The following CUX1 variants were observed in gnomAD, a reference collection of about 807,000 sequenced individuals.
CUX1 encodes the protein cut like homeobox 1, also known as protein CASP.
A neutral mutation model predicts 158.8 loss-of-function variants in CUX1; 31 were observed. The observed-to-expected ratio is 0.20, with a 90% CI of 0.15 to 0.26. The LOEUF is 0.26. CUX1 is among the 10% of genes least tolerant of loss of function. The pLI, the probability that CUX1 is intolerant of heterozygous loss-of-function variation, is 1.00. For missense variants in CUX1, 1,589 were observed against 2,014.6 expected (o/e 0.79, Z 4.04); for synonymous variants, 879 against 862.1 (o/e 1.02, Z -0.34).
Position 101,916,313 on chromosome 7 carries a change from C to A in CUX1, c.141+88C>A. 1.2e-6 allele frequency: 1 copy of A among 862,618 alleles called. No individual in the cohort carries two copies. Among genetic ancestry groups the A allele is most frequent in the South Asian group, 1.3e-5 (1 of 74,156 alleles). The allele number at this position is 862,618 out of a possible 1,614,324, so 53.4% of individuals were successfully genotyped here. A position where few individuals can be genotyped will look rare whatever the true frequency, so the allele number is the denominator to read the frequency against. On this transcript the variant is annotated intron_variant, in intron 2 of 23. Transcript: ENST00000292535. This position sits in a 1 kb window ranked among gnomAD's most constrained non-coding sequence, Gnocchi z 4.4. ...CGACGCTCCGTGAGCGTTTCATTTT[C>A]ATCAGATGAACGCACGGCCGGCAAA...
At chr7:102,274,130 G>A in intron 15 of CUX1, 1 of 1,007,048 alleles carries the variant, frequency 9.9e-7, no homozygotes, top group Non-Finnish European at 1.5e-6. Context: ...ACCCCGGATG[G>A]CCCCACCCAC....
At chr7:102,232,418 T>G (rs782233935) in intron 21 of CUX1, among the ~76,000 whole-genome samples, 13 of 152,166 alleles carry the variant, frequency 8.5e-5, no homozygotes, top group Non-Finnish European at 1.9e-4. Context: ...TAGAAGCCAG[T>G]GTGTGGTGTT....
rs531358141 is a variant in CUX1 at position 101,852,067 on chromosome 7, C to A, written c.30+34398C>A. ...CTGGCCTTGAACTCCTGGTCTCAAG[C>A]AGTCCTCCCACCTTGGCCTCCCAAA... On this transcript the variant is annotated intron_variant, in intron 1 of 23. Transcript: ENST00000292535. Among the ~76,000 whole-genome samples the A allele has an allele frequency of 6.6e-5, 10 of 151,954 alleles. No homozygotes were observed. In the South Asian group the frequency reaches 2.1e-3, roughly 32 times the overall value.
At chr7:102,162,866 A>G (rs1198335614) in intron 9 of CUX1, among the ~76,000 whole-genome samples, 1 of 152,146 alleles carries the variant, frequency 6.6e-6, no homozygotes, top group Non-Finnish European at 1.5e-5. Context: ...ACGCTGAAAG[A>G]TGCTTGCTCT....
At chr7:101,821,857 G>GTTT (rs58248170) in intron 1 of CUX1, among the ~76,000 whole-genome samples, 1 of 83,400 alleles carries the variant, frequency 1.2e-5, no homozygotes, top group Non-Finnish European at 2.5e-5. Flanking sequence ...TTGTTTTTTT[G>GTTT]TTTTTTTTTT....
At chr7:102,226,653 C>G (rs1798373455) in intron 20 of CUX1, among the ~76,000 whole-genome samples, 1 of 152,082 alleles carries the variant, frequency 6.6e-6, no homozygotes, top group Non-Finnish European at 1.5e-5. Context: ...GAGATGGAGT[C>G]TCACTCTCAC....
At chr7:102,233,650 G>C (rs1192839851) in intron 21 of CUX1, among the ~76,000 whole-genome samples, 1 of 152,162 alleles carries the variant, frequency 6.6e-6, no homozygotes, top group African/African-American at 2.4e-5. Flanking sequence ...AGCCAGGCGT[G>C]GTGGCGAGCA....
intron 1 of CUX1, among the ~76,000 whole-genome samples, chr7:101,846,782 G>A (rs1001429342): frequency 6.6e-6 from 1 of 152,246 alleles, no homozygotes; most frequent in South Asian, 2.1e-4. Context: ...TTGATAGTGG[G>A]AGACCAGAAA....
intron 8 of CUX1, among the ~76,000 whole-genome samples, chr7:102,132,309 G>GCA (rs1554497508): frequency 3.4e-3 from 1 of 296 alleles, no homozygotes; most frequent in African/African-American, 0.023. Context: ...GTGTGTGTGT[G>GCA]CGCGCGCGCG....
chr7:102,233,171 C>CT lies in CUX1; in HGVS notation c.3434-871dup, dbSNP rs1284526962. Among the ~76,000 whole-genome samples, 108 of 137,812 alleles carry CT rather than the reference C, an allele frequency of 7.8e-4. 1 individual carries two copies. The East Asian group carries it at 0.012, about 15-fold the overall frequency. The allele number at this position is 137,812 out of a possible 152,430, so 90.4% of individuals were successfully genotyped here. ...CCTCAGCACATACAAAGCCTGAAGG[C>CT]TTTTTTTTTTCCTTTTTTTTTTTTT... On this transcript the variant is annotated intron_variant, in intron 21 of 23. Transcript: ENST00000292535.
intron 2 of CUX1, among the ~76,000 whole-genome samples, chr7:102,003,625 C>T (rs541685239): frequency 2.6e-5 from 4 of 152,284 alleles, no homozygotes; most frequent in African/African-American, 9.6e-5. Flanking sequence ...CCCACCACTT[C>T]ATCAGGTCAC....
chr7:102,139,003 G>A (rs1834173390), intron 8 of CUX1, among the ~76,000 whole-genome samples: 1 of 152,072 alleles, frequency 6.6e-6, no homozygotes, highest in South Asian at 2.1e-4. Flanking sequence ...TCAGCACTTT[G>A]GGAGATCAAG....
At chr7:101,860,053 CCTCT>C (rs978386593) in intron 1 of CUX1, among the ~76,000 whole-genome samples, 2 of 139,386 alleles carry the variant, frequency 1.4e-5, no homozygotes, top group South Asian at 2.6e-4. Context: ...CCTGCTTTTT[CCTCT>C]CTCTCTCTGT....
chr7:101,932,558 A>G (rs2129121280), intron 2 of CUX1: 1 of 455,288 alleles, frequency 2.2e-6, no homozygotes, highest in Non-Finnish European at 4.4e-6. Context: ...TTGTGAAACC[A>G]TCAGCCACTG....
intron 1 of CUX1, among the ~76,000 whole-genome samples, chr7:101,846,370 G>A (rs988973239): frequency 2.0e-4 from 31 of 151,702 alleles, no homozygotes; most frequent in African/African-American, 6.3e-4. Context: ...CCAGGCAGGA[G>A]TGCAGTGGTG....
intron 8 of CUX1, chr7:102,153,640 T>C (rs1835936786): frequency 6.6e-6 from 1 of 152,306 alleles, no homozygotes. Context: ...CAGAAAGGCA[T>C]TGAATGCCTA....
At chr7:102,226,029 C>A (rs1798315396) in intron 20 of CUX1, among the ~76,000 whole-genome samples, 1 of 152,276 alleles carries the variant, frequency 6.6e-6, no homozygotes, top group Non-Finnish European at 1.5e-5. Context: ...CAGTTTCTAT[C>A]TGCAGAAATT....
chr7:102,158,743 T>A, intron 9 of CUX1, 135 bp downstream of exon 9: 1 of 776,230 alleles, frequency 1.3e-6, no homozygotes, highest in South Asian at 1.6e-5. Flanking sequence ...ACGTCGATGC[T>A]CCTTCTGTTG....
chr7:102,139,244 TAAAA>T (rs11459794), intron 8 of CUX1, among the ~76,000 whole-genome samples: 1 of 93,172 alleles, frequency 1.1e-5, no homozygotes, highest in Non-Finnish European at 2.0e-5. Context: ...GACTACATCT[TAAAA>T]AAAAAAAAAA....
Sources: allele counts gnomAD v4.1 joint callset (sites outside exome capture counted in the v4.1 genomes callset), GRCh38; gene constraint gnomAD v4.1.1; non-coding constraint Gnocchi (gnomAD v3.1); transcripts MANE v1.5; gene names NCBI Gene and HGNC (gene_info 2026-07-23, HGNC 2026-07-21).